MYH11: variants seen among roughly 807,000 people sequenced by gnomAD.
MYH11 encodes myosin-11.
Under a neutral mutation model 246.6 loss-of-function variants are expected in MYH11, and 80 were observed. That is an observed-to-expected ratio of 0.32 (90% CI 0.27 to 0.39). The LOEUF (loss-of-function observed/expected upper bound fraction) is 0.39. MYH11 is among the 10% of genes least tolerant of loss of function. The pLI is 1.00. For synonymous variants in MYH11, 1,071 were observed against 1,015.5 expected (o/e 1.05, Z -1.04); for missense variants, 2,158 against 2,546.8 (o/e 0.85, Z 3.29).
chr16:15,721,109 G>A, intron 32 of MYH11, 58 bp from the exon 33 acceptor site: 1 of 1,582,508 alleles, frequency 6.3e-7, no homozygotes, highest in Non-Finnish European at 8.6e-7. Context: ...AGACGATTGA[G>A]AAACCCACCG....
At position 15,703,910 on chromosome 16, in the gene MYH11, C is replaced by T. The variant is rs1218512799; in HGVS notation, c.*81G>A. 1.3e-6 allele frequency: 2 copies of T among 1,593,116 alleles called. No individual in the cohort carries two copies. Among genetic ancestry groups the T allele is most frequent in the Non-Finnish European group, 1.7e-6 (2 of 1,163,194 alleles). On this transcript the variant is annotated 3_prime_UTR_variant, in exon 41 of 41. Coordinates refer to ENST00000300036, the MANE Select transcript of MYH11 (RefSeq NM_002474.3). ...ACAGTCTGCTGGGTTTTGCTTTGTTCTGGGTTGTTGTTGGGTTTTTTTTGT... is the reference window on the plus strand; with the variant it reads ...ACAGTCTGCTGGGTTTTGCTTTGTTTTGGGTTGTTGTTGGGTTTTTTTTGT...
At chr16:15,738,446 C>T (rs143078032) in intron 24 of MYH11, 119 bp downstream of exon 24, 190 of 943,080 alleles carry the variant, frequency 2.0e-4, no homozygotes, top group African/African-American at 1.3e-3. Context: ...TTAGGAGTTT[C>T]GGGCTGCAGT....
intron 3 of MYH11, among the ~76,000 whole-genome samples, chr16:15,806,576 G>T (rs916983576): frequency 6.6e-6 from 1 of 152,154 alleles, no homozygotes; most frequent in Non-Finnish European, 1.5e-5. Context: ...AATTTTAGGT[G>T]TGAACTGTAT....
rs562933047 is a variant in MYH11, at chr16:15,718,579, T to C, written c.5172-141A>G. 2.3e-5 allele frequency: 29 copies of C among 1,278,280 alleles called. No homozygotes were observed. In the East Asian group the frequency reaches 6.8e-4, roughly 30 times the overall value. The allele number at this position is 1,278,280 out of a possible 1,614,324, so 79.2% of individuals were successfully genotyped here. A position where few individuals can be genotyped will look rare whatever the true frequency, so the allele number is the denominator to read the frequency against. On this transcript the variant is annotated intron_variant, in intron 36 of 40. Transcript: ENST00000300036. ...GGCTTGGAGAAGATTAGAAGACTCATCTGTAGTTACACAGCCAGGAAGTGG... is the reference window on the plus strand; with the variant it reads ...GGCTTGGAGAAGATTAGAAGACTCACCTGTAGTTACACAGCCAGGAAGTGG...
At chr16:15,709,193 G>A (rs2039640509) in intron 40 of MYH11, among the ~76,000 whole-genome samples, 1 of 151,972 alleles carries the variant, frequency 6.6e-6, no homozygotes, top group South Asian at 2.1e-4. Context: ...TTCCTGCCTT[G>A]GCCTCCCAAG....
intron 3 of MYH11, among the ~76,000 whole-genome samples, chr16:15,814,329 G>C (rs1396551142): frequency 1.3e-5 from 2 of 151,904 alleles, no homozygotes; most frequent in Admixed American, 1.3e-4. Context: ...GAGTTGGGTG[G>C]ATCACCTAAG....
At chr16:15,830,362 A>G (rs74927138) in intron 2 of MYH11, among the ~76,000 whole-genome samples, 119 of 152,312 alleles carry the variant, frequency 7.8e-4, no homozygotes, top group African/African-American at 2.8e-3. Flanking sequence ...TAAGAGCAAA[A>G]AGACTAGAAA....
At chr16:15,752,020 G>A (rs1338231017) in intron 15 of MYH11, among the ~76,000 whole-genome samples, 1 of 151,736 alleles carries the variant, frequency 6.6e-6, no homozygotes, top group Non-Finnish European at 1.5e-5. Flanking sequence ...TCGAACTCTT[G>A]ACCTCAACTG....
intron 40 of MYH11, among the ~76,000 whole-genome samples, chr16:15,709,844 G>T (rs1470182078): frequency 2.0e-5 from 3 of 152,200 alleles, no homozygotes; most frequent in Non-Finnish European, 4.4e-5. Flanking sequence ...CCTCTAGCAA[G>T]AGAGGAGAGG....
chr16:15,829,777 G>A (rs1448500502), intron 2 of MYH11, among the ~76,000 whole-genome samples: 3 of 152,160 alleles, frequency 2.0e-5, no homozygotes, highest in African/African-American at 4.8e-5. Context: ...TGCTCCCGGG[G>A]CCTGCAGCAG....
Position 15,721,591 on chromosome 16 carries a change from T to A in MYH11, c.4409A>T (p.Glu1470Val). The A allele has an allele frequency of 6.2e-7, 1 of 1,614,190 alleles. No individual in the cohort carries two copies. Among genetic ancestry groups the A allele is most frequent in the Non-Finnish European group, 8.5e-7 (1 of 1,180,046 alleles). ...GGCTTCTGCCTCAGCTCTGTCCCTC[T>A]CATCCGCGTATTTGGAAGAGATGTT... Reference protein sequence around the residue: ...EKNISSKYADERDRAEAEARE... With the variant: ...EKNISSKYADVRDRAEAEARE... The change falls in exon 32 of 41, where the codon GAG becomes GTG. Residue 1470 changes from glutamate (E) to valine (V), a missense_variant. By Grantham distance (121) the Glu-to-Val change is moderately radical. Transcript: ENST00000300036.
chr16:15,729,117 CAG>C (rs1257073618), intron 27 of MYH11, among the ~76,000 whole-genome samples: 1 of 151,878 alleles, frequency 6.6e-6, no homozygotes, highest in Non-Finnish European at 1.5e-5. Context: ...CAGATGGGGA[CAG>C]GGAGTCTCTT....
intron 4 of MYH11, among the ~76,000 whole-genome samples, chr16:15,793,073 G>A (rs539502137): frequency 9.9e-5 from 15 of 152,028 alleles, no homozygotes; most frequent in African/African-American, 3.6e-4. Context: ...CTCCTCCCCA[G>A]GGCCTGGAAG....
intron 3 of MYH11, among the ~76,000 whole-genome samples, chr16:15,812,070 C>G (rs2043150102): frequency 6.6e-6 from 1 of 152,132 alleles, no homozygotes; most frequent in South Asian, 2.1e-4. Context: ...AAGCTTTGAG[C>G]TGTCAACACT....
rs370240337 is a variant in MYH11, at chr16:15,721,597, G to A, written c.4403C>T (p.Ala1468Val). The change falls in exon 32 of 41, where the codon GCG becomes GTG. Residue 1468 changes from alanine to valine, a missense_variant. Ala to Val is a moderately conservative substitution (Grantham distance 64). Around this residue, in one of 11 missense-constraint regions of MYH11, gnomAD observed 1,013 missense variants for 993.5 expected, o/e 1.02. Coordinates refer to ENST00000300036, the MANE Select transcript of MYH11 (RefSeq NM_002474.3). ...AEEKNISSKY[A>V]DERDRAEAEA... Reference sequence around the variant, plus strand: ...TGCCTCAGCTCTGTCCCTCTCATCCGCGTATTTGGAAGAGATGTTTTTCTC... The same window carrying A: ...TGCCTCAGCTCTGTCCCTCTCATCCACGTATTTGGAAGAGATGTTTTTCTC... The A allele has an allele frequency of 3.5e-5, 57 of 1,614,012 alleles. No individual in the cohort carries two copies. Among genetic ancestry groups the A allele is most frequent in the South Asian group, 1.1e-4 (10 of 91,086 alleles).
Position 15,724,155 on chromosome 16 carries a change from C to T in MYH11, c.4365+6G>A, listed in dbSNP as rs530881888. On this transcript the variant is annotated splice_donor_region_variant and intron_variant, in intron 31 of 40. Coordinates refer to ENST00000300036, the MANE Select transcript of MYH11 (RefSeq NM_002474.3). ...GCCAGAGTGGGGGACACCCCACGCC[C>T]TCTACCTGATCAAATTTCCTCTGCT... is the stretch of plus-strand genomic sequence containing the variant. The T allele has an allele frequency of 5.0e-6, 8 of 1,613,062 alleles. No individual in the cohort carries two copies. The highest frequency in any genetic ancestry group is 2.7e-5 in the African/African-American group (2 of 75,036).
Position 15,703,804 on chromosome 16 carries a change from A to T in MYH11, c.*187T>A, listed in dbSNP as rs1363419971. Reference sequence around the variant, plus strand: ...GGTTTTACTACGTTGCCCAGGCTGGAGGGTGGTGGTTTTTATATTCCTTGT... The same window carrying T: ...GGTTTTACTACGTTGCCCAGGCTGGTGGGTGGTGGTTTTTATATTCCTTGT... On this transcript the variant is annotated 3_prime_UTR_variant, in exon 41 of 41. Coordinates refer to ENST00000300036, the MANE Select transcript of MYH11 (RefSeq NM_002474.3). 1.3e-6 allele frequency: 1 copy of T among 771,582 alleles called. No homozygotes were observed. The highest frequency in any genetic ancestry group is 2.2e-6 in the Non-Finnish European group (1 of 459,528). 47.8% of individuals were successfully genotyped at this position (771,582 alleles called of 1,614,324 possible).
At chr16:15,763,741 T>TCCGGGGCCCCCCCCCCCCC in intron 10 of MYH11, 55 bp downstream of exon 10, 1 of 646,862 alleles carries the variant, frequency 1.5e-6, no homozygotes, top group Non-Finnish European at 2.9e-6. Flanking sequence ...AAATGTCACC[T>TCCGGGGCCCCCCCCCCCCC]CCCCCACCCC....
At chr16:15,784,501 A>C (rs1359512205) in intron 5 of MYH11, among the ~76,000 whole-genome samples, 7 of 151,606 alleles carry the variant, frequency 4.6e-5, no homozygotes, top group Non-Finnish European at 1.0e-4. Context: ...TGGTAAATGC[A>C]CCCCCACACC....
Sources: gnomAD v4.1 joint callset for allele counts (sites outside exome capture counted in the v4.1 genomes callset) on GRCh38, gnomAD v4.1.1 for gene constraint, gnomAD v4.1.1 regional missense constraint, MANE v1.5 for transcripts, NCBI Gene and HGNC (gene_info 2026-07-23, HGNC 2026-07-21) for gene names.